Variants in STK32B observed in about 807,000 individuals in gnomAD.
STK32B encodes the protein serine/threonine-protein kinase 32B.
In STK32B, 43 loss-of-function variants were observed where a neutral mutation model predicts 52.6. The observed-to-expected ratio is 0.82, with a 90% confidence interval of 0.64 to 1.05. The LOEUF is 1.05. Among genes scored for constraint, STK32B ranks in the 50% least tolerant of loss-of-function variants. The pLI is 0.00. For missense variants in STK32B, 621 were observed against 534.6 expected, an observed-to-expected ratio of 1.16 and a Z score of -1.59; for synonymous variants, 238 against 204.3, an observed-to-expected ratio of 1.17 and a Z score of -1.41.
At chr4:5,291,226 A>C (rs1728874354) in intron 3 of STK32B, among the ~76,000 whole-genome samples, 1 of 152,158 alleles carries the variant, frequency 6.6e-6, no homozygotes, top group African/African-American at 2.4e-5. Context: ...AATTTGGAAA[A>C]TAATTGTGTT....
chr4:5,333,874 T>C lies in STK32B; in HGVS notation c.434+2481T>C, dbSNP rs146392679. Among the ~76,000 whole-genome samples, 78 of 152,388 alleles carry C rather than the reference T, an allele frequency of 5.1e-4. 1 individual carries two copies. In the East Asian group the frequency reaches 0.013, roughly 24 times the overall value. The stretch of plus-strand genomic sequence containing the variant: ...ACCAGTACCGTGCTGTTTTGGTTAC[T>C]GTAACCTTGTAGTATAGTTTGAAGT... On this transcript the variant is annotated intron_variant, in intron 4 of 11. Coordinates refer to ENST00000282908, the MANE Select transcript of STK32B (RefSeq NM_018401.3).
intron 6 of STK32B, among the ~76,000 whole-genome samples, chr4:5,446,096 C>T (rs536792441): frequency 6.6e-6 from 1 of 152,220 alleles, no homozygotes; most frequent in South Asian, 2.1e-4. Context: ...TCTTCCCTTT[C>T]GCCAAGTGGA....
intron 2 of STK32B, among the ~76,000 whole-genome samples, chr4:5,150,679 A>T (rs35131014): frequency 0.99 from 150,117 of 152,112 alleles, 74,103 homozygotes; most frequent in Non-Finnish European, 1. Flanking sequence ...TTGAGGCTCC[A>T]CTTGGATTTC....
intron 5 of STK32B, among the ~76,000 whole-genome samples, chr4:5,403,285 C>G (rs1485815370): frequency 6.6e-6 from 1 of 152,216 alleles, no homozygotes. Flanking sequence ...CTCTAATTCC[C>G]CTAGGTACCA....
At chr4:5,360,817 AAAC>A (rs1483953733) in intron 4 of STK32B, among the ~76,000 whole-genome samples, 5 of 152,212 alleles carry the variant, frequency 3.3e-5, no homozygotes, top group South Asian at 2.1e-4. Flanking sequence ...AAACAAACAA[AAAC>A]AACAACAACA....
chr4:5,480,830 G>A (rs765865192), intron 11 of STK32B, among the ~76,000 whole-genome samples: 33 of 152,126 alleles, frequency 2.2e-4, no homozygotes, highest in Non-Finnish European at 4.3e-4. Context: ...ATAACATGCG[G>A]TGTTTGGTGT....
chr4:5,305,559 C>T (rs866172084), intron 3 of STK32B, among the ~76,000 whole-genome samples: 3 of 151,910 alleles, frequency 2.0e-5, no homozygotes, highest in Non-Finnish European at 4.4e-5. Context: ...CCTCCCATTT[C>T]GTTTCTAATT....
intron 4 of STK32B, among the ~76,000 whole-genome samples, chr4:5,366,005 G>A (rs193067253): frequency 1.8e-4 from 28 of 151,792 alleles, no homozygotes; most frequent in Non-Finnish European, 3.7e-4. Flanking sequence ...CGCAGACTCT[G>A]GATACTTCCT....
intron 11 of STK32B, among the ~76,000 whole-genome samples, chr4:5,480,385 C>T (rs891380159): frequency 2.0e-5 from 3 of 152,046 alleles, no homozygotes; most frequent in African/African-American, 7.2e-5. Flanking sequence ...AATGAGACAT[C>T]AATCAAATAC....
chr4:5,268,583 GTA>G (rs1336715092), intron 3 of STK32B, among the ~76,000 whole-genome samples: 42 of 122,894 alleles, frequency 3.4e-4, no homozygotes, highest in East Asian at 3.1e-3. Flanking sequence ...GTGTGTGTGT[GTA>G]TAGCAAATAT....
At chr4:5,098,220 G>A (rs1302474002) in intron 1 of STK32B, among the ~76,000 whole-genome samples, 2 of 152,236 alleles carry the variant, frequency 1.3e-5, no homozygotes, top group Non-Finnish European at 2.9e-5. Flanking sequence ...ATGGAAAGCA[G>A]TGAAAAGTGT....
rs181943055 is a variant in STK32B, at chr4:5,451,320, G to A, written c.666+4544G>A. ...TGTGAGCGCAGGTAGAGAAGTGGAA[G>A]CTAGGGCTGATTCAACAAACATTTT... On this transcript the variant is annotated intron_variant, in intron 7 of 11. Coordinates refer to ENST00000282908, the MANE Select transcript of STK32B (RefSeq NM_018401.3). 1.9e-3 allele frequency among the ~76,000 whole-genome samples: 292 copies of A among 152,236 alleles called. 1 individual carries two copies. Among genetic ancestry groups the A allele is most frequent in the African/African-American group, 6.8e-3 (281 of 41,546 alleles).
intron 4 of STK32B, among the ~76,000 whole-genome samples, chr4:5,352,677 A>G (rs905822036): frequency 2.7e-5 from 4 of 148,778 alleles, no homozygotes; most frequent in Admixed American, 1.3e-4. Flanking sequence ...TGCTGATGAT[A>G]TGATATGATA....
intron 3 of STK32B, among the ~76,000 whole-genome samples, chr4:5,312,137 A>T (rs1042928321): frequency 1.3e-5 from 2 of 151,506 alleles, no homozygotes; most frequent in South Asian, 4.1e-4. Context: ...ATTGTATACA[A>T]TTTTTTTCTT....
intron 1 of STK32B, among the ~76,000 whole-genome samples, chr4:5,075,049 C>T (rs780826916): frequency 6.6e-6 from 1 of 152,172 alleles, no homozygotes; most frequent in Non-Finnish European, 1.5e-5. Flanking sequence ...TCACCCCATT[C>T]ATGCCCATTT....
chr4:5,331,009 G>T (rs1012565947), intron 3 of STK32B, among the ~76,000 whole-genome samples: 1 of 152,144 alleles, frequency 6.6e-6, no homozygotes, highest in Non-Finnish European at 1.5e-5. Flanking sequence ...CCTTTGCTAT[G>T]TAAGAAATGA....
chr4:5,295,645 C>G (rs1729147917), intron 3 of STK32B, among the ~76,000 whole-genome samples: 1 of 152,010 alleles, frequency 6.6e-6, no homozygotes. Context: ...TTCATTGTAT[C>G]TATTTGATTC....
At chr4:5,455,152 G>C (rs1050161662) in intron 7 of STK32B, among the ~76,000 whole-genome samples, 3 of 152,318 alleles carry the variant, frequency 2.0e-5, no homozygotes, top group South Asian at 4.1e-4. Flanking sequence ...AGGGCCTCCT[G>C]TTTGGTAAAG....
In STK32B at chr4:5,380,929, C is replaced by G. The variant is rs1044578514; in HGVS notation, c.435-17278C>G. Among the ~76,000 whole-genome samples, 7 of 152,150 alleles carry G rather than the reference C, an allele frequency of 4.6e-5. No individual in the cohort carries two copies. Among genetic ancestry groups the G allele is most frequent in the African/African-American group, 1.7e-4 (7 of 41,426 alleles). ...TGTCAGTGCCAACGTCATCATTATC[C>G]TCTCCAGCAGCCCACCCGTCCTCCC... On this transcript the variant is annotated intron_variant, in intron 4 of 11. Transcript: ENST00000282908. This position sits in a 1 kb window ranked among gnomAD's most constrained non-coding sequence, Gnocchi z 4.3.
Sources: allele counts gnomAD v4.1 joint callset (sites outside exome capture counted in the v4.1 genomes callset), GRCh38; gene constraint gnomAD v4.1.1; non-coding constraint Gnocchi (gnomAD v3.1); transcripts MANE v1.5; gene names NCBI Gene and HGNC (gene_info 2026-07-23, HGNC 2026-07-21).